ZNF704: variants seen among roughly 807,000 people sequenced by gnomAD.
ZNF704 encodes the protein glucocorticoid induced gene 1.
A neutral mutation model predicts 44.7 loss-of-function variants in ZNF704; 10 were observed. The observed-to-expected ratio is 0.22, with a 90% CI of 0.14 to 0.38. ZNF704 has a LOEUF of 0.38. Ranked by LOEUF, ZNF704 falls within the 10% of genes least tolerant of loss-of-function variation. The pLI, the probability that ZNF704 is intolerant of heterozygous loss-of-function variation, is 1.00. For missense variants in ZNF704, 390 were observed against 545.5 expected (o/e 0.71, Z 2.84); for synonymous variants, 211 against 207.6 (o/e 1.02, Z -0.14).
chr8:80,830,206 C>T (rs1467742906), intron 1 of ZNF704, among the ~76,000 whole-genome samples: 6 of 151,524 alleles, frequency 4.0e-5, no homozygotes, highest in East Asian at 1.9e-4. Flanking sequence ...GGATGATGGA[C>T]GAGAGAGAAT....
chr8:80,705,045 T>A (rs187068350), intron 2 of ZNF704, among the ~76,000 whole-genome samples: 1 of 152,210 alleles, frequency 6.6e-6, no homozygotes, highest in East Asian at 1.9e-4. Context: ...AGTGTCACAT[T>A]TGAATTGGAG....
intron 2 of ZNF704, among the ~76,000 whole-genome samples, chr8:80,760,654 C>CAAAAAAAAAAAAA (rs1156753093): frequency 1.7e-5 from 1 of 59,892 alleles, no homozygotes; most frequent in Non-Finnish European, 3.8e-5. Context: ...GACTCCATCT[C>CAAAAAAAAAAAAA]AAAAAAAAAA....
chr8:80,689,746 A>C (rs1197489671), intron 3 of ZNF704, among the ~76,000 whole-genome samples: 1 of 152,228 alleles, frequency 6.6e-6, no homozygotes, highest in Admixed American at 6.5e-5. Context: ...TGTCAATGCC[A>C]AAAGTGAATT....
intron 7 of ZNF704, among the ~76,000 whole-genome samples, chr8:80,647,422 T>C (rs1031657027): frequency 2.0e-5 from 3 of 152,198 alleles, no homozygotes; most frequent in Non-Finnish European, 4.4e-5. Context: ...GGGATCTGAA[T>C]GTTATTCTAA....
intron 2 of ZNF704, among the ~76,000 whole-genome samples, chr8:80,744,776 A>G (rs1389444957): frequency 6.6e-6 from 1 of 152,216 alleles, no homozygotes; most frequent in Non-Finnish European, 1.5e-5. Context: ...GAGGAGACAC[A>G]CATGAACTAA....
intron 2 of ZNF704, among the ~76,000 whole-genome samples, chr8:80,774,957 G>C (rs747665028): frequency 6.6e-6 from 1 of 152,146 alleles, no homozygotes; most frequent in South Asian, 2.1e-4. Context: ...GCTGTGGCCC[G>C]GGGGTTTCTA....
chr8:80,775,714 T>A (rs551999056), intron 2 of ZNF704, among the ~76,000 whole-genome samples: 1 of 152,288 alleles, frequency 6.6e-6, no homozygotes, highest in Non-Finnish European at 1.5e-5. Flanking sequence ...AATGCAAAAA[T>A]TATACTGTGA....
intron 2 of ZNF704, among the ~76,000 whole-genome samples, chr8:80,768,156 C>T (rs1042223468): frequency 6.6e-5 from 10 of 152,004 alleles, no homozygotes; most frequent in Non-Finnish European, 1.5e-5. Flanking sequence ...TTGGAAACAT[C>T]CAACAAGATT....
intron 2 of ZNF704, among the ~76,000 whole-genome samples, chr8:80,818,867 A>G (rs759481868): frequency 6.6e-6 from 1 of 152,168 alleles, no homozygotes; most frequent in Non-Finnish European, 1.5e-5. Context: ...CAAAATATTG[A>G]TATACTTAGG....
At chr8:80,825,138 TAA>T (rs1354107104) in intron 1 of ZNF704, among the ~76,000 whole-genome samples, 2 of 152,078 alleles carry the variant, frequency 1.3e-5, no homozygotes, top group East Asian at 1.9e-4. Flanking sequence ...GCAAATTGGA[TAA>T]AGAGTCAAGA....
intron 5 of ZNF704, among the ~76,000 whole-genome samples, chr8:80,667,484 C>A (rs1818213633): frequency 6.6e-6 from 1 of 152,180 alleles, no homozygotes; most frequent in South Asian, 2.1e-4. Flanking sequence ...GGAGTTAGGA[C>A]TTCACTCCTA....
chr8:80,836,772 G>C (rs766450952), intron 1 of ZNF704, among the ~76,000 whole-genome samples: 16 of 152,156 alleles, frequency 1.1e-4, no homozygotes, highest in Non-Finnish European at 2.1e-4. Context: ...CTGGGCGACA[G>C]AGTGAGAACC....
intron 1 of ZNF704, among the ~76,000 whole-genome samples, chr8:80,849,564 T>C (rs540745628): frequency 1.3e-5 from 2 of 152,366 alleles, no homozygotes; most frequent in African/African-American, 4.8e-5. Context: ...ACAAAGGCAT[T>C]GCTATAATAC....
chr8:80,824,470 C>T (rs1298262355), intron 1 of ZNF704, among the ~76,000 whole-genome samples: 4 of 152,166 alleles, frequency 2.6e-5, no homozygotes, highest in African/African-American at 7.2e-5. Context: ...CCGAAAATGA[C>T]GGGGAGAATG....
chr8:80,797,496 T>A lies in ZNF704; in HGVS notation c.221+23878A>T, dbSNP rs541419394. 9.3e-5 allele frequency among the ~76,000 whole-genome samples: 14 copies of A among 150,940 alleles called. No homozygotes were observed. In the East Asian group the frequency reaches 2.5e-3, roughly 27 times the overall value. On this transcript the variant is annotated intron_variant, in intron 2 of 8. Transcript: ENST00000327835. ...CTGTGGGCCTGCACAATTAACATCA[T>A]ATGTATGCCTCCAAGGTTGTTACAG...
At chr8:80,782,302 G>T (rs1170164235) in intron 2 of ZNF704, among the ~76,000 whole-genome samples, 1 of 152,186 alleles carries the variant, frequency 6.6e-6, no homozygotes, top group African/African-American at 2.4e-5. Context: ...TAGGACAAAT[G>T]TAATTGTCTG....
chr8:80,826,014 G>T (rs1446813216), intron 1 of ZNF704, among the ~76,000 whole-genome samples: 2 of 152,104 alleles, frequency 1.3e-5, no homozygotes, highest in Non-Finnish European at 2.9e-5. Context: ...ACAATTAAAA[G>T]AACTAGAGAA....
intron 1 of ZNF704, among the ~76,000 whole-genome samples, chr8:80,860,900 A>C (rs1046738576): frequency 2.0e-5 from 3 of 152,202 alleles, no homozygotes; most frequent in Non-Finnish European, 4.4e-5. Context: ...ATTTGTATGG[A>C]CCAGGTCTGT....
chr8:80,748,053 A>G (rs796736063), intron 2 of ZNF704, among the ~76,000 whole-genome samples: 1 of 152,330 alleles, frequency 6.6e-6, no homozygotes, highest in African/African-American at 2.4e-5. Flanking sequence ...AAGTTGCAAC[A>G]GTTGTTAGAT....
Sources: gnomAD v4.1 joint callset for allele counts (sites outside exome capture counted in the v4.1 genomes callset) on GRCh38, gnomAD v4.1.1 for gene constraint, MANE v1.5 for transcripts, NCBI Gene and HGNC (gene_info 2026-07-23, HGNC 2026-07-21) for gene names.